Variants in TMEM71 observed in about 807,000 individuals in gnomAD.
TMEM71 encodes the protein transmembrane protein 71.
TMEM71 carries 44 observed loss-of-function variants against 38.0 expected under a neutral mutation model. That is an observed-to-expected ratio of 1.16 (90% CI 0.91 to 1.49). TMEM71 has a LOEUF of 1.49. Ranked by LOEUF, TMEM71 falls within the 40% of genes most tolerant of loss-of-function variation. TMEM71 has a pLI of 0.00. For synonymous variants in TMEM71, 133 were observed against 122.5 expected (o/e 1.09, Z -0.56); for missense variants, 367 against 348.6 (o/e 1.05, Z -0.42).
chr8:132,746,257 C>T (rs1286844576), intron 5 of TMEM71, among the ~76,000 whole-genome samples: 1 of 149,552 alleles, frequency 6.7e-6, no homozygotes, highest in Non-Finnish European at 1.5e-5. Flanking sequence ...ACATATTTAC[C>T]TGTATTAATA....
chr8:132,738,606 T>C (rs77444393), intron 5 of TMEM71, among the ~76,000 whole-genome samples: 2,351 of 152,288 alleles, frequency 0.015, 58 homozygotes, highest in African/African-American at 0.053. Context: ...AATCAAAAAA[T>C]ATTCTTGATT....
chr8:132,722,258 A>G, intron 6 of TMEM71, 143 bp from the exon 7 acceptor site: 1 of 643,368 alleles, frequency 1.6e-6, no homozygotes, highest in Non-Finnish European at 2.8e-6. Context: ...GCAATGTGTC[A>G]TAAATAACAA....
rs894958804 is a variant in TMEM71 at position 132,733,834 on chromosome 8, G to A, written c.488-5848C>T. 3.3e-5 allele frequency among the ~76,000 whole-genome samples: 5 copies of A among 152,098 alleles called. No homozygotes were observed. The South Asian group carries it at 1.0e-3, about 32-fold the overall frequency. Reference sequence around the variant, plus strand: ...ATTATTCAATCTTAAAAAAAAGAAGGAAATCTTGCCATTTGCAAGAACATG... The same window carrying A: ...ATTATTCAATCTTAAAAAAAAGAAGAAAATCTTGCCATTTGCAAGAACATG... On this transcript the variant is annotated intron_variant, in intron 5 of 9. Coordinates refer to ENST00000677595, the MANE Select transcript of TMEM71 (RefSeq NM_001382403.1).
chr8:132,741,153 A>G (rs1828011867), intron 5 of TMEM71, among the ~76,000 whole-genome samples: 1 of 152,134 alleles, frequency 6.6e-6, no homozygotes, highest in South Asian at 2.1e-4. Flanking sequence ...TCACGAGGTC[A>G]GGAGATCAAG....
chr8:132,749,787 G>T (rs565475838), intron 4 of TMEM71, among the ~76,000 whole-genome samples: 2 of 151,982 alleles, frequency 1.3e-5, no homozygotes, highest in African/African-American at 4.8e-5. Context: ...AGTTTGAGGC[G>T]GGCGGATCAC....
chr8:132,747,804 C>G (rs2433065), intron 4 of TMEM71, among the ~76,000 whole-genome samples: 42,761 of 152,038 alleles, frequency 0.28, 6,310 homozygotes, highest in Non-Finnish European at 0.33. Flanking sequence ...TGAAGCTGGA[C>G]AGGTAAAAGG....
the TMEM71 span, among the ~76,000 whole-genome samples, chr8:132,766,534 T>C: frequency 5.3e-5 from 8 of 152,154 alleles, no homozygotes; most frequent in Non-Finnish European, 1.0e-4. Context: ...GCACGGTGGC[T>C]TATGCCTACA....
At chr8:132,758,640 A>G (rs1454703227) in intron 2 of TMEM71, 200 bp downstream of exon 2, 4 of 513,142 alleles carry the variant, frequency 7.8e-6, no homozygotes, top group Non-Finnish European at 1.4e-5. Flanking sequence ...TTTTTCTACT[A>G]GAAGGAAAAA....
chr8:132,765,722 C>T, the TMEM71 span, among the ~76,000 whole-genome samples: 2 of 151,956 alleles, frequency 1.3e-5, no homozygotes, highest in African/African-American at 2.4e-5. Flanking sequence ...TGGATCATTC[C>T]TAGTGGTTCT....
chr8:132,739,601 G>T (rs974719540), intron 5 of TMEM71, among the ~76,000 whole-genome samples: 1 of 152,028 alleles, frequency 6.6e-6, no homozygotes. Flanking sequence ...GTGAGCCACC[G>T]TGTCAGGCCC....
Position 132,710,699 on chromosome 8 carries a change from C to CT in TMEM71, c.*267dup, listed in dbSNP as rs1826189738. On this transcript the variant is annotated 3_prime_UTR_variant, in exon 10 of 10. Coordinates refer to ENST00000677595, the MANE Select transcript of TMEM71 (RefSeq NM_001382403.1). ...GGGGGACATTTATTCCAGGCGGTCTCTTTTCCATCACATTCCCCGTCCTTT... is the reference window on the plus strand; with the variant it reads ...GGGGGACATTTATTCCAGGCGGTCTCTTTTTCCATCACATTCCCCGTCCTTT... The CT allele has an allele frequency of 3.6e-6, 2 of 553,106 alleles. No individual in the cohort carries two copies. The highest frequency in any genetic ancestry group is 5.1e-5 in the South Asian group (2 of 39,260). The allele number at this position is 553,106 out of a possible 1,614,324, so 34.3% of individuals were successfully genotyped here. A position where few individuals can be genotyped will look rare whatever the true frequency, so the allele number is the denominator to read the frequency against.
chr8:132,757,349 A>C (rs961139945), intron 2 of TMEM71, 55 bp from the exon 3 acceptor site: 33 of 1,311,052 alleles, frequency 2.5e-5, no homozygotes, highest in Non-Finnish European at 3.6e-5. Context: ...CAACAGTTAC[A>C]TATGTTGATA....
chr8:132,750,339 G>C (rs1828637468), intron 4 of TMEM71, among the ~76,000 whole-genome samples: 2 of 152,134 alleles, frequency 1.3e-5, no homozygotes, highest in African/African-American at 4.8e-5. Flanking sequence ...GCATTTCCCT[G>C]ACCCTTATTA....
rs116143290 is a variant in TMEM71, at chr8:132,747,634, C to T, written c.315-520G>A. Among the ~76,000 whole-genome samples, 521 of 152,262 alleles carry T rather than the reference C, an allele frequency of 3.4e-3. 3 individuals carry two copies. The highest frequency in any genetic ancestry group is 0.012 in the African/African-American group (497 of 41,554). On this transcript the variant is annotated intron_variant, in intron 4 of 9. Transcript: ENST00000677595. Reference sequence around the variant, plus strand: ...CTATGCTATATAGGGGATAAGTGCTCTGAAAGGATTACCTAGAGGCTGCTG... The same window carrying T: ...CTATGCTATATAGGGGATAAGTGCTTTGAAAGGATTACCTAGAGGCTGCTG...
chr8:132,716,383 A>T (rs1826534602), intron 7 of TMEM71, among the ~76,000 whole-genome samples: 1 of 152,210 alleles, frequency 6.6e-6, no homozygotes, highest in Non-Finnish European at 1.5e-5. Flanking sequence ...GGCAGTGAAG[A>T]GATGGAGATC....
intron 5 of TMEM71, among the ~76,000 whole-genome samples, chr8:132,731,977 A>T (rs759401585): frequency 1.3e-5 from 2 of 152,182 alleles, no homozygotes; most frequent in Non-Finnish European, 2.9e-5. Context: ...TGGGAGGTGG[A>T]GCAAAAGTAA....
chr8:132,727,850 C>T lies in TMEM71; in HGVS notation c.624G>A (p.Gln208=). ...AACGTTCAGAAGCTGTCAACTGGGA[C>T]TGAAGAGACAAGCTATGGGAGTTTC... ...PGGNSHSLSL[Q]SQLTASERFQ... The change falls in exon 6 of 10, where the codon CAG becomes CAA. Residue 208 remains glutamine (Q), a synonymous_variant. Transcript: ENST00000677595. The T allele has an allele frequency of 6.2e-7, 1 of 1,613,958 alleles. No homozygotes were observed. Among genetic ancestry groups the T allele is most frequent in the Non-Finnish European group, 8.5e-7 (1 of 1,179,914 alleles).
chr8:132,757,388 G>A, intron 2 of TMEM71, 94 bp from the exon 3 acceptor site: 1 of 873,740 alleles, frequency 1.1e-6, no homozygotes, highest in East Asian at 3.0e-5. Context: ...ATTGCAAACA[G>A]TGGAGGCATG....
At chr8:132,738,208 C>T (rs1231242711) in intron 5 of TMEM71, among the ~76,000 whole-genome samples, 1 of 152,022 alleles carries the variant, frequency 6.6e-6, no homozygotes, top group East Asian at 1.9e-4. Flanking sequence ...TAATAACTTG[C>T]CCAAGAACAT....
Sources: gnomAD v4.1 joint callset for allele counts (sites outside exome capture counted in the v4.1 genomes callset) on GRCh38, gnomAD v4.1.1 for gene constraint, MANE v1.5 for transcripts, NCBI Gene and HGNC (gene_info 2026-07-23, HGNC 2026-07-21) for gene names.